The following RBFOX1 variants were observed in gnomAD, a reference collection of about 807,000 sequenced individuals.
RBFOX1 encodes RNA binding protein fox-1 homolog 1.
A neutral mutation model predicts 57.7 loss-of-function variants in RBFOX1; 8 were observed. The ratio of observed to expected loss-of-function variants is 0.14; its 90% CI spans 0.08 to 0.25. The LOEUF is 0.25. Among genes scored for constraint, RBFOX1 ranks in the 10% least tolerant of loss-of-function variants. RBFOX1 has a pLI of 1.00. For missense variants in RBFOX1, 611 were observed against 548.5 expected, an observed-to-expected ratio of 1.11 and a Z score of -1.14; for synonymous variants, 326 against 222.4, an observed-to-expected ratio of 1.47 and a Z score of -4.15.
At chr16:7,229,666 A>AGAGAG (rs2093366964) in intron 4 of RBFOX1, among the ~76,000 whole-genome samples, 2 of 80,812 alleles carry the variant, frequency 2.5e-5, no homozygotes, top group African/African-American at 4.0e-5. Flanking sequence ...AGGAAGGGCA[A>AGAGAG]AGGAAGTAAG....
At chr16:7,580,271 G>A (rs1008859959) in intron 6 of RBFOX1, among the ~76,000 whole-genome samples, 1 of 152,038 alleles carries the variant, frequency 6.6e-6, no homozygotes, top group Non-Finnish European at 1.5e-5. Flanking sequence ...AATACACATC[G>A]AGTCCTCTTG....
chr16:7,194,974 C>T (rs991846240), intron 4 of RBFOX1, among the ~76,000 whole-genome samples: 1 of 149,912 alleles, frequency 6.7e-6, no homozygotes, highest in African/African-American at 2.5e-5. Context: ...CTGAATAACA[C>T]CTTTCAATAT....
intron 4 of RBFOX1, among the ~76,000 whole-genome samples, chr16:5,942,862 G>T (rs1366021925): frequency 6.6e-6 from 1 of 152,174 alleles, no homozygotes; most frequent in Non-Finnish European, 1.5e-5. Context: ...GAGGATGGGA[G>T]CTGATCCTTT....
chr16:6,671,102 A>G (rs1287416030), intron 3 of RBFOX1, among the ~76,000 whole-genome samples: 1 of 152,190 alleles, frequency 6.6e-6, no homozygotes, highest in Non-Finnish European at 1.5e-5. Flanking sequence ...CCAGATAATT[A>G]TTTCTTTTGA....
rs530100753 is a variant in RBFOX1 at position 6,484,553 on chromosome 16, G to C, written c.-64+167496G>C. Among the ~76,000 whole-genome samples the C allele has an allele frequency of 3.9e-5, 6 of 152,152 alleles. No homozygotes were observed. The East Asian group carries it at 1.2e-3, about 29-fold the overall frequency. ...TGGAATGAACTGTTATGCATTTATA[G>C]AATATATTATATACAGAGTGTCGAA... On this transcript the variant is annotated intron_variant, in intron 2 of 15. Transcript: ENST00000550418.
At chr16:6,091,025 C>G (rs1277277163) in intron 1 of RBFOX1, among the ~76,000 whole-genome samples, 1 of 152,216 alleles carries the variant, frequency 6.6e-6, no homozygotes, top group East Asian at 1.9e-4. Flanking sequence ...ATATTCATCG[C>G]TTTGAACATT....
intron 3 of RBFOX1, among the ~76,000 whole-genome samples, chr16:6,665,680 A>G (rs74540082): frequency 6.6e-6 from 1 of 151,170 alleles, no homozygotes; most frequent in Non-Finnish European, 1.5e-5. Flanking sequence ...CTTGACTGAT[A>G]TTTTTTTTCC....
chr16:6,837,948 C>T (rs551407542), intron 3 of RBFOX1, among the ~76,000 whole-genome samples: 1 of 151,828 alleles, frequency 6.6e-6, no homozygotes, highest in Non-Finnish European at 1.5e-5. Flanking sequence ...CCACCTCTTT[C>T]CATGGCAACA....
At chr16:7,306,835 G>A (rs1168549169) in intron 4 of RBFOX1, among the ~76,000 whole-genome samples, 2 of 152,106 alleles carry the variant, frequency 1.3e-5, no homozygotes, top group African/African-American at 2.4e-5. Flanking sequence ...TTAAGAGTGT[G>A]AAATAGTTTA....
At chr16:6,092,079 CT>C (rs2096183554) in intron 1 of RBFOX1, among the ~76,000 whole-genome samples, 1 of 152,192 alleles carries the variant, frequency 6.6e-6, no homozygotes, top group Non-Finnish European at 1.5e-5. Flanking sequence ...CCTAGCAATC[CT>C]TCTGGAGTTC....
At chr16:7,217,448 T>C (rs1198967961) in intron 4 of RBFOX1, among the ~76,000 whole-genome samples, 1 of 151,746 alleles carries the variant, frequency 6.6e-6, no homozygotes, top group African/African-American at 2.4e-5. Context: ...ACAGCAGGAT[T>C]TATGAGCGAA....
chr16:7,480,896 G>A (rs374715553), intron 4 of RBFOX1, among the ~76,000 whole-genome samples: 236 of 152,212 alleles, frequency 1.6e-3, no homozygotes, highest in African/African-American at 5.1e-3. Flanking sequence ...GAGGGGATGC[G>A]AGGGACCTGG....
intron 3 of RBFOX1, among the ~76,000 whole-genome samples, chr16:6,991,149 A>T (rs2091367329): frequency 6.8e-6 from 1 of 147,292 alleles, no homozygotes; most frequent in African/African-American, 2.5e-5. Context: ...AAAAAAAAAA[A>T]AAAAAAAAAA....
intron 2 of RBFOX1, among the ~76,000 whole-genome samples, chr16:5,468,253 T>A (rs1405170853): frequency 6.6e-6 from 1 of 152,226 alleles, no homozygotes; most frequent in African/African-American, 2.4e-5. Context: ...ATTTAGTACC[T>A]TCACAGTGTT....
intron 4 of RBFOX1, among the ~76,000 whole-genome samples, chr16:7,345,189 A>C (rs2096972669): frequency 6.6e-6 from 1 of 152,318 alleles, no homozygotes; most frequent in East Asian, 1.9e-4. Context: ...TTCTCTGTCA[A>C]ACATGTCAGT....
At chr16:6,139,893 A>T (rs2096701432) in intron 1 of RBFOX1, among the ~76,000 whole-genome samples, 1 of 152,232 alleles carries the variant, frequency 6.6e-6, no homozygotes, top group African/African-American at 2.4e-5. Context: ...ATTGAATAGA[A>T]TTCCATCAGT....
At chr16:5,593,521 G>C (rs978667506) in intron 2 of RBFOX1, among the ~76,000 whole-genome samples, 11 of 152,240 alleles carry the variant, frequency 7.2e-5, no homozygotes, top group Non-Finnish European at 1.3e-4. Flanking sequence ...TGATAAAACA[G>C]TTTGCAGTGG....
chr16:5,930,925 G>C (rs928869855), intron 4 of RBFOX1, among the ~76,000 whole-genome samples: 2 of 144,664 alleles, frequency 1.4e-5, no homozygotes, highest in Admixed American at 6.9e-5. Flanking sequence ...TGGTTGGGTA[G>C]GTGGGAGGAT....
chr16:6,728,023 C>G (rs553889183), intron 3 of RBFOX1, among the ~76,000 whole-genome samples: 23 of 152,286 alleles, frequency 1.5e-4, no homozygotes, highest in South Asian at 8.3e-4. Flanking sequence ...TATTTCCATC[C>G]TCACAGGTTT....
Sources: gnomAD v4.1 joint callset for allele counts (sites outside exome capture counted in the v4.1 genomes callset) on GRCh38, gnomAD v4.1.1 for gene constraint, MANE v1.5 for transcripts, NCBI Gene and HGNC (gene_info 2026-07-23, HGNC 2026-07-21) for gene names.